Variants in IGSF11 observed in about 807,000 individuals in gnomAD.
IGSF11 encodes CXADR like 1.
A neutral mutation model predicts 41.0 loss-of-function variants in IGSF11; 22 were observed. The observed-to-expected ratio is 0.54, with a 90% CI of 0.38 to 0.77. IGSF11 has a LOEUF of 0.77. IGSF11 is among the 30% of genes least tolerant of loss of function. IGSF11 has a pLI of 0.00. For synonymous variants in IGSF11, 219 were observed against 201.3 expected, an observed-to-expected ratio of 1.09 and a Z score of -0.74; for missense variants, 444 against 530.8, an observed-to-expected ratio of 0.84 and a Z score of 1.61.
chr3:119,053,403 C>G (rs1941703663), intron 1 of IGSF11, among the ~76,000 whole-genome samples: 1 of 152,062 alleles, frequency 6.6e-6, no homozygotes, highest in African/African-American at 2.4e-5. Flanking sequence ...GAACTCAACC[C>G]CTTTTACAAC....
rs551754197 is a variant in IGSF11 at position 118,961,058 on chromosome 3, C to A, written c.53-30783G>T. 1.4e-4 allele frequency among the ~76,000 whole-genome samples: 22 copies of A among 152,336 alleles called. No individual in the cohort carries two copies. In the East Asian group the frequency reaches 4.0e-3, roughly 28 times the overall value. On this transcript the variant is annotated intron_variant, in intron 1 of 6. Coordinates refer to ENST00000393775, the MANE Select transcript of IGSF11 (RefSeq NM_001015887.3). Reference sequence around the variant, plus strand: ...TGGGCTTCAAGACAGTCTCTTAGAGCTCCACTCCCATCCAGGAAGATTAAA... The same window carrying A: ...TGGGCTTCAAGACAGTCTCTTAGAGATCCACTCCCATCCAGGAAGATTAAA...
chr3:119,063,439 T>G (rs894656834), intron 1 of IGSF11, among the ~76,000 whole-genome samples: 2 of 152,204 alleles, frequency 1.3e-5, no homozygotes, highest in Admixed American at 6.5e-5. Context: ...AAATTTTCCC[T>G]TTTGAGGACA....
intron 1 of IGSF11, among the ~76,000 whole-genome samples, chr3:119,052,513 C>T (rs1376088954): frequency 6.6e-6 from 1 of 151,042 alleles, no homozygotes; most frequent in Non-Finnish European, 1.5e-5. Context: ...TAAAAATTGC[C>T]AACAAAAAAA....
At chr3:118,961,521 T>C (rs1945331595) in intron 1 of IGSF11, among the ~76,000 whole-genome samples, 1 of 152,148 alleles carries the variant, frequency 6.6e-6, no homozygotes. Context: ...AGTCTCAAAA[T>C]AAATTAATTA....
chr3:119,105,019 A>T, intron 1 of IGSF11: 1 of 580,732 alleles, frequency 1.7e-6, no homozygotes, highest in Non-Finnish European at 3.0e-6. Flanking sequence ...GAAATGGAAG[A>T]TTTTTTTTAG....
intron 1 of IGSF11, among the ~76,000 whole-genome samples, chr3:119,004,722 C>G (rs1286716885): frequency 2.3e-4 from 34 of 147,552 alleles, no homozygotes; most frequent in Admixed American, 1.1e-3. Flanking sequence ...CGTTATGTAC[C>G]CAGTAGTCAT....
intron 1 of IGSF11, among the ~76,000 whole-genome samples, chr3:119,096,673 G>A (rs915446266): frequency 3.3e-5 from 5 of 152,102 alleles, no homozygotes; most frequent in Non-Finnish European, 7.4e-5. Context: ...TATGTCCAGT[G>A]GCACAGTGGG....
intron 1 of IGSF11, among the ~76,000 whole-genome samples, chr3:118,971,951 T>A (rs190121659): frequency 5.4e-4 from 83 of 152,304 alleles, no homozygotes; most frequent in African/African-American, 2.0e-3. Context: ...ATTCCCAACA[T>A]CATATTTAAA....
intron 1 of IGSF11, among the ~76,000 whole-genome samples, chr3:119,096,844 A>G (rs2076859829): frequency 6.6e-6 from 1 of 152,210 alleles, no homozygotes. Flanking sequence ...AGGGTGGCCA[A>G]GAGTTTCTAG....
At chr3:119,043,630 A>C (rs1238101575) in intron 1 of IGSF11, among the ~76,000 whole-genome samples, 1 of 152,170 alleles carries the variant, frequency 6.6e-6, no homozygotes, top group African/African-American at 2.4e-5. Context: ...AAAAAACTGC[A>C]ACCAAGGACT....
At chr3:119,121,100 C>T (rs549710041) in intron 1 of IGSF11, among the ~76,000 whole-genome samples, 36 of 152,022 alleles carry the variant, frequency 2.4e-4, no homozygotes, top group African/African-American at 8.0e-4. Context: ...AATCTGATAT[C>T]AGAGTTGTTA....
chr3:118,938,409 G>A (rs557416030), intron 1 of IGSF11, among the ~76,000 whole-genome samples: 4 of 152,190 alleles, frequency 2.6e-5, no homozygotes, highest in South Asian at 2.1e-4. Context: ...GTTATTCCAC[G>A]ATATAACCCA....
intron 1 of IGSF11, among the ~76,000 whole-genome samples, chr3:118,977,952 G>A (rs1057436549): frequency 3.3e-5 from 5 of 152,198 alleles, no homozygotes; most frequent in South Asian, 2.1e-4. Context: ...ACAGAGGGGC[G>A]GCCATGCATT....
chr3:118,964,526 A>T, intron 1 of IGSF11, among the ~76,000 whole-genome samples: 1 of 152,184 alleles, frequency 6.6e-6, no homozygotes, highest in East Asian at 1.9e-4. Flanking sequence ...GCAGGAAAAA[A>T]GCATGGAGAA....
At chr3:119,011,101 C>T (rs1938063316) in intron 1 of IGSF11, among the ~76,000 whole-genome samples, 2 of 152,044 alleles carry the variant, frequency 1.3e-5, no homozygotes, top group Non-Finnish European at 2.9e-5. Context: ...ATATGAAAAA[C>T]AATTACCTGA....
At chr3:118,935,366 T>C (rs1336634284) in intron 1 of IGSF11, among the ~76,000 whole-genome samples, 1 of 129,244 alleles carries the variant, frequency 7.7e-6, no homozygotes, top group Non-Finnish European at 1.6e-5. Context: ...ATATACACCC[T>C]GAGATATATA....
chr3:118,948,366 A>G (rs1290616586), intron 1 of IGSF11: 1 of 152,216 alleles, frequency 6.6e-6, no homozygotes, highest in African/African-American at 2.4e-5. Context: ...ACTTGTGTCT[A>G]CATGAAAACT....
chr3:119,031,565 C>G (rs35857), intron 1 of IGSF11, among the ~76,000 whole-genome samples: 82,218 of 152,094 alleles, frequency 0.54, 22,299 homozygotes, highest in Non-Finnish European at 0.55. Flanking sequence ...AAAACAAGTA[C>G]TTTTACCCCT....
chr3:119,016,368 A>G (rs1483815157), intron 1 of IGSF11, among the ~76,000 whole-genome samples: 1 of 152,202 alleles, frequency 6.6e-6, no homozygotes, highest in African/African-American at 2.4e-5. Flanking sequence ...AATGACAAAG[A>G]TGATGGTCAT....
Sources: allele counts gnomAD v4.1 joint callset (sites outside exome capture counted in the v4.1 genomes callset), GRCh38; gene constraint gnomAD v4.1.1; transcripts MANE v1.5; gene names NCBI Gene and HGNC (gene_info 2026-07-23, HGNC 2026-07-21).